Variants in PITPNM3 observed in about 807,000 individuals in gnomAD.
The protein encoded by PITPNM3 is PITPNM family member 3, also known as membrane-associated phosphatidylinositol transfer protein 3.
A neutral mutation model predicts 102.0 loss-of-function variants in PITPNM3; 26 were observed. The ratio of observed to expected loss-of-function variants is 0.25; its 90% CI spans 0.19 to 0.35. PITPNM3 has a LOEUF of 0.35. PITPNM3 is among the 10% of genes least tolerant of loss of function. The probability of loss-of-function intolerance (pLI) is 1.00; values close to 1 mark genes in which losing one functional copy is unlikely to be tolerated. For synonymous variants in PITPNM3, 578 were observed against 558.6 expected, an observed-to-expected ratio of 1.03 and a Z score of -0.49; for missense variants, 1,083 against 1,346.1, an observed-to-expected ratio of 0.80 and a Z score of 3.06.
chr17:6,551,948 C>G lies in PITPNM3; in HGVS notation c.22+4437G>C, dbSNP rs191745229. On this transcript the variant is annotated intron_variant, in intron 1 of 19. Coordinates refer to ENST00000262483, the MANE Select transcript of PITPNM3 (RefSeq NM_031220.4). ...AGAGCAAGGTCCAAACTCTGGAAAC[C>G]CAGGCTCTGCCGTCACCTTCTTCTG... Among the ~76,000 whole-genome samples, 61 of 152,242 alleles carry G rather than the reference C, an allele frequency of 4.0e-4. 1 individual carries two copies. The highest frequency in any genetic ancestry group is 1.4e-3 in the African/African-American group (58 of 41,554).
At chr17:6,511,656 G>A (rs1292551752) in intron 3 of PITPNM3, among the ~76,000 whole-genome samples, 1 of 152,180 alleles carries the variant, frequency 6.6e-6, no homozygotes, top group Non-Finnish European at 1.5e-5. Context: ...TAGCCCAGGA[G>A]AAAGAAAACC....
chr17:6,537,260 T>C lies in PITPNM3; in HGVS notation c.118+727A>G, dbSNP rs577456983. On this transcript the variant is annotated intron_variant, in intron 2 of 19. Transcript: ENST00000262483. The surrounding 1 kb of genome is among the most constrained non-coding windows in gnomAD (Gnocchi z 4.4). The stretch of plus-strand genomic sequence containing the variant: ...AGGCTCATTTATTTTTTCTTTCTTT[T>C]TTTTTTTTTTTTTTCTGAGACAGAG... 1.5e-4 allele frequency among the ~76,000 whole-genome samples: 22 copies of C among 147,122 alleles called. No homozygotes were observed. The highest frequency in any genetic ancestry group is 7.3e-4 in the Admixed American group (11 of 15,020).
Position 6,458,866 on chromosome 17 carries a change from G to A in PITPNM3, c.2491-1144C>T, listed in dbSNP as rs745610509. 1.3e-5 allele frequency among the ~76,000 whole-genome samples: 2 copies of A among 151,858 alleles called. No individual in the cohort carries two copies. The highest frequency in any genetic ancestry group is 1.9e-4 in the East Asian group (1 of 5,154). ...TGTGTTTTTGTACATGCTGCCCACC[G>A]AGAGCTGCTAAAGAAACAGAGCCAC... On this transcript the variant is annotated intron_variant, in intron 18 of 19. Transcript: ENST00000262483. The surrounding 1 kb of genome is among the most constrained non-coding windows in gnomAD (Gnocchi z 5.1).
chr17:6,554,073 C>T (rs943554967), intron 1 of PITPNM3, among the ~76,000 whole-genome samples: 2 of 152,076 alleles, frequency 1.3e-5, no homozygotes, highest in African/African-American at 4.8e-5. Flanking sequence ...AATCCCATCA[C>T]TTTGGGAGGC....
chr17:6,554,318 CA>C (rs35188321), intron 1 of PITPNM3, among the ~76,000 whole-genome samples: 2,717 of 74,488 alleles, frequency 0.036, 75 homozygotes, highest in African/African-American at 0.13. Context: ...GACTCCATCT[CA>C]AAAAAAAAAA....
rs1909519033 is a variant in PITPNM3 at position 6,537,770 on chromosome 17, C to T, written c.118+217G>A. On this transcript the variant is annotated intron_variant, in intron 2 of 19. Transcript: ENST00000262483. This position sits in a 1 kb window ranked among gnomAD's most constrained non-coding sequence, Gnocchi z 4.4. ...GGATCCCTGGCACCTAGCAGAGTTC[C>T]CGGCACATGTGAGGGGTTCAGCAAA... Among the ~76,000 whole-genome samples, 1 of 152,212 alleles carries T rather than the reference C, an allele frequency of 6.6e-6. No individual in the cohort carries two copies. The highest frequency in any genetic ancestry group is 2.4e-5 in the African/African-American group (1 of 41,454).
Position 6,455,490 on chromosome 17 carries a change from T to C in PITPNM3, c.2773A>G (p.Arg925Gly). ...TCGGGCTGCTGCACTGACATGGTTC[T>C]GCGCAGGTGGTTGCGCTTCCGCAGG... ...EFLRKRNHLRRTMSVQQPDPP... is the reference protein window; with the variant it reads ...EFLRKRNHLRGTMSVQQPDPP... Residue 925 changes from arginine to glycine, a missense_variant, in exon 20 of 20, where the codon AGA becomes GGA. Around this residue, in one of 5 missense-constraint regions of PITPNM3, gnomAD observed 208 missense variants for 178.2 expected, o/e 1.17. Coordinates refer to ENST00000262483, the MANE Select transcript of PITPNM3 (RefSeq NM_031220.4). 6.2e-7 allele frequency: 1 copy of C among 1,606,126 alleles called. No individual in the cohort carries two copies. Among genetic ancestry groups the C allele is most frequent in the Non-Finnish European group, 8.5e-7 (1 of 1,179,598 alleles).
At chr17:6,548,173 T>G (rs570414380) in intron 1 of PITPNM3, among the ~76,000 whole-genome samples, 8 of 152,272 alleles carry the variant, frequency 5.3e-5, no homozygotes, top group Non-Finnish European at 4.4e-5. Context: ...TGTGACCCCC[T>G]GCAGGTGATC....
Position 6,471,224 on chromosome 17 carries a change from C to T in PITPNM3, c.1561G>A (p.Gly521Arg). The stretch of plus-strand genomic sequence containing the variant: ...TCCGAGCTCTCGCTGTGGGAGCTCC[C>T]CTCGCTCATCCTCCGTCCTGGGCGC... The part of the protein sequence containing the change: ...FQRPGRRMSE[G>R]SSHSESSESS... The change falls in exon 12 of 20, where the codon GGG (glycine) becomes AGG (arginine). Residue 521 changes from glycine (G) to arginine (R), a missense_variant. Physicochemically the swap from Gly to Arg is moderately radical, Grantham distance 125 (BLOSUM62 -2). Coordinates refer to ENST00000262483, the MANE Select transcript of PITPNM3 (RefSeq NM_031220.4). 6.2e-7 allele frequency: 1 copy of T among 1,613,276 alleles called. No individual in the cohort carries two copies. Among genetic ancestry groups the T allele is most frequent in the Non-Finnish European group, 8.5e-7 (1 of 1,179,968 alleles).
intron 4 of PITPNM3, among the ~76,000 whole-genome samples, chr17:6,495,924 C>T (rs1906780643): frequency 6.6e-6 from 1 of 152,206 alleles, no homozygotes; most frequent in African/African-American, 2.4e-5. Flanking sequence ...AGTGCCCCAT[C>T]TCTGCCCGAC....
chr17:6,506,884 C>T (rs1233199323), intron 3 of PITPNM3, among the ~76,000 whole-genome samples: 2 of 152,258 alleles, frequency 1.3e-5, no homozygotes, highest in Admixed American at 6.5e-5. Context: ...ACCCCTCCCA[C>T]AGGCCTGCTG....
At chr17:6,553,230 C>T (rs1318191870) in intron 1 of PITPNM3, among the ~76,000 whole-genome samples, 1 of 152,096 alleles carries the variant, frequency 6.6e-6, no homozygotes, top group Non-Finnish European at 1.5e-5. Context: ...TGAATCCTCC[C>T]CACCCCTGCC....
intron 2 of PITPNM3, among the ~76,000 whole-genome samples, chr17:6,531,523 T>C (rs987826395): frequency 6.6e-6 from 1 of 152,194 alleles, no homozygotes; most frequent in African/African-American, 2.4e-5. Flanking sequence ...TCCCTCACAA[T>C]AAGGAGCTCA....
chr17:6,493,578 T>C (rs1906623805), intron 4 of PITPNM3, among the ~76,000 whole-genome samples: 1 of 152,230 alleles, frequency 6.6e-6, no homozygotes, highest in African/African-American at 2.4e-5. Flanking sequence ...AGTGACCACG[T>C]AGCAGGGTGC....
chr17:6,455,660 A>T lies in PITPNM3; in HGVS notation c.2620-17T>A. The T allele has an allele frequency of 2.3e-6, 3 of 1,285,758 alleles. No homozygotes were observed. Among genetic ancestry groups the T allele is most frequent in the Non-Finnish European group, 2.0e-6 (2 of 982,696 alleles). The allele number at this position is 1,285,758 out of a possible 1,614,324, so 79.6% of individuals were successfully genotyped here. ...GCTCAGGAACTGCGGAGGGCAGGGG[A>T]GGGCAGGGGAGGGCAGGGCAGGGCA... On this transcript the variant is annotated splice_polypyrimidine_tract_variant and intron_variant, in intron 19 of 19. Coordinates refer to ENST00000262483, the MANE Select transcript of PITPNM3 (RefSeq NM_031220.4).
intron 2 of PITPNM3, among the ~76,000 whole-genome samples, chr17:6,525,844 G>A (rs903118014): frequency 3.9e-5 from 6 of 152,142 alleles, no homozygotes; most frequent in African/African-American, 7.2e-5. Context: ...TCTGACCCTC[G>A]ATTTTCCCAT....
chr17:6,553,380 C>T (rs1910422034), intron 1 of PITPNM3, among the ~76,000 whole-genome samples: 1 of 152,192 alleles, frequency 6.6e-6, no homozygotes. Context: ...CCTCTCTGGG[C>T]CCCGATAACA....
chr17:6,543,471 C>A lies in PITPNM3; in HGVS notation c.23-5389G>T, dbSNP rs570797319. ...AGTCCTCAGGCGAAGGGAGATGCCTCCCCCATGCTCAGGAGCCCTGTCTGA... is the reference window on the plus strand; with the variant it reads ...AGTCCTCAGGCGAAGGGAGATGCCTACCCCATGCTCAGGAGCCCTGTCTGA... On this transcript the variant is annotated intron_variant, in intron 1 of 19. Coordinates refer to ENST00000262483, the MANE Select transcript of PITPNM3 (RefSeq NM_031220.4). Among the ~76,000 whole-genome samples, 4 of 152,372 alleles carry A rather than the reference C, an allele frequency of 2.6e-5. No homozygotes were observed. In the East Asian group the frequency reaches 7.7e-4, roughly 29 times the overall value.
Position 6,455,378 on chromosome 17 carries a change from C to A in PITPNM3, c.2885G>T (p.Ser962Ile). Residue 962 changes from serine to isoleucine, a missense_variant, in exon 20 of 20, where the codon AGC (serine) becomes ATC (isoleucine). By Grantham distance (142) the Ser-to-Ile change is moderately radical. Coordinates refer to ENST00000262483, the MANE Select transcript of PITPNM3 (RefSeq NM_031220.4). ...GAACTTGGGGGGCCCACGCGCCCAG[C>A]TGAGCGCCGGCAGCGGCCGCTCGTG... is the stretch of plus-strand genomic sequence containing the variant. Reference protein sequence around the residue: ...KDHERPLPALSWARGPPKFES... With the variant: ...KDHERPLPALIWARGPPKFES... The A allele has an allele frequency of 2.5e-6, 4 of 1,590,858 alleles. No homozygotes were observed. The highest frequency in any genetic ancestry group is 3.4e-6 in the Non-Finnish European group (4 of 1,170,074).
Sources: gnomAD v4.1 joint callset for allele counts (sites outside exome capture counted in the v4.1 genomes callset) on GRCh38, gnomAD v4.1.1 for gene constraint, gnomAD v4.1.1 regional missense constraint, Gnocchi (gnomAD v3.1) non-coding constraint, MANE v1.5 for transcripts, NCBI Gene and HGNC (gene_info 2026-07-23, HGNC 2026-07-21) for gene names.